Variants in EML6 observed in about 807,000 individuals in gnomAD.
EML6 encodes the protein echinoderm microtubule-associated protein-like 6.
A neutral mutation model predicts 240.1 loss-of-function variants in EML6; 154 were observed. The observed-to-expected ratio is 0.64, with a 90% CI of 0.56 to 0.73. The LOEUF (loss-of-function observed/expected upper bound fraction) is 0.73. Among genes scored for constraint, EML6 ranks in the 30% least tolerant of loss-of-function variants. The pLI is 0.00. For missense variants in EML6, 2,964 were observed against 2,474.6 expected (o/e 1.20, Z -4.20); for synonymous variants, 1,148 against 899.0 (o/e 1.28, Z -4.95).
chr2:54,964,306 C>T (rs898231386), intron 37 of EML6, 148 bp downstream of exon 37: 3 of 806,288 alleles, frequency 3.7e-6, no homozygotes, highest in Non-Finnish European at 5.8e-6. Context: ...CCTTCTCCCA[C>T]TCTCACTCTT....
At chr2:54,962,081 TTG>T (rs1676544419) in intron 35 of EML6, among the ~76,000 whole-genome samples, 1 of 135,250 alleles carries the variant, frequency 7.4e-6, no homozygotes, top group African/African-American at 3.2e-5. Context: ...CTCAAGTTAC[TTG>T]TTTTTTTTTT....
chr2:54,753,279 G>C (rs1454194940), intron 2 of EML6, among the ~76,000 whole-genome samples: 1 of 152,154 alleles, frequency 6.6e-6, no homozygotes, highest in Admixed American at 6.5e-5. Flanking sequence ...TTGAGCACTA[G>C]TGTAGTCACA....
chr2:54,859,169 T>G (rs1004202825), intron 11 of EML6, among the ~76,000 whole-genome samples: 2 of 152,234 alleles, frequency 1.3e-5, no homozygotes, highest in African/African-American at 4.8e-5. Flanking sequence ...ATAGAATTAT[T>G]TTCTGTTTCC....
At chr2:54,895,567 A>G (rs1672719863) in intron 21 of EML6, among the ~76,000 whole-genome samples, 167 bp downstream of exon 21, 1 of 152,264 alleles carries the variant, frequency 6.6e-6, no homozygotes, top group African/African-American at 2.4e-5. Context: ...CAAGCTTAGC[A>G]GCTTAAAACA....
rs1235248072 is a variant in EML6 at position 54,725,571 on chromosome 2, T to A, written c.197+313T>A. On this transcript the variant is annotated intron_variant, in intron 2 of 41. Transcript: ENST00000356458. The surrounding 1 kb of genome is among the most constrained non-coding windows in gnomAD (Gnocchi z 4.3). Reference sequence around the variant, plus strand: ...CAAGTGGAAGGAGCCTGGGTAACTATGAAACACTTCTTCCTTCCCTAACCA... The same window carrying A: ...CAAGTGGAAGGAGCCTGGGTAACTAAGAAACACTTCTTCCTTCCCTAACCA... 2.6e-5 allele frequency among the ~76,000 whole-genome samples: 4 copies of A among 152,204 alleles called. No homozygotes were observed. The highest frequency in any genetic ancestry group is 5.9e-5 in the Non-Finnish European group (4 of 68,036).
chr2:54,842,315 A>T (rs565258165), intron 7 of EML6, among the ~76,000 whole-genome samples: 74 of 152,312 alleles, frequency 4.9e-4, no homozygotes, highest in Non-Finnish European at 2.1e-4. Flanking sequence ...AAATACTTTG[A>T]TAGAACTATT....
intron 2 of EML6, among the ~76,000 whole-genome samples, chr2:54,789,329 C>G (rs947938003): frequency 1.3e-5 from 2 of 151,326 alleles, no homozygotes; most frequent in Non-Finnish European, 2.9e-5. Flanking sequence ...CTGGCTAACA[C>G]GGTGAAACCC....
At chr2:54,920,423 A>G (rs754221727) in intron 26 of EML6, among the ~76,000 whole-genome samples, 4 of 152,194 alleles carry the variant, frequency 2.6e-5, no homozygotes, top group South Asian at 2.1e-4. Flanking sequence ...GAAATGAAAC[A>G]TATCTGGAAA....
chr2:54,904,009 A>C (rs1673191379), intron 24 of EML6, among the ~76,000 whole-genome samples: 1 of 152,212 alleles, frequency 6.6e-6, no homozygotes, highest in Non-Finnish European at 1.5e-5. Flanking sequence ...CCTCCAAGTC[A>C]TGCCCACAAA....
rs371778997 is a variant in EML6 at position 54,934,625 on chromosome 2, C to G, written c.4004+5874C>G. On this transcript the variant is annotated intron_variant, in intron 28 of 41. Transcript: ENST00000356458. ...AGTATGGTGGCATGATCCTGGCTCA[C>G]TGCAGCCTCAGCCTCCTGGGCTCAA... 2.7e-4 allele frequency among the ~76,000 whole-genome samples: 41 copies of G among 152,202 alleles called. No homozygotes were observed. The East Asian group carries it at 7.3e-3, about 27-fold the overall frequency.
At position 54,852,663 on chromosome 2, in the gene EML6, G is replaced by T. The variant is rs185095550; in HGVS notation, c.1445-980G>T. Among the ~76,000 whole-genome samples the T allele has an allele frequency of 9.9e-5, 15 of 152,248 alleles. No homozygotes were observed. The East Asian group carries it at 2.5e-3, about 25-fold the overall frequency. Reference sequence around the variant, plus strand: ...CAACTACAGACGTTTTTATTTTGTTGTCTCTTTAATGAAGTTTTACGTAAT... The same window carrying T: ...CAACTACAGACGTTTTTATTTTGTTTTCTCTTTAATGAAGTTTTACGTAAT... On this transcript the variant is annotated intron_variant, in intron 10 of 41. Coordinates refer to ENST00000356458, the MANE Select transcript of EML6 (RefSeq NM_001039753.4).
intron 10 of EML6, among the ~76,000 whole-genome samples, chr2:54,851,805 C>G (rs1573003015): frequency 6.6e-6 from 1 of 152,138 alleles, no homozygotes; most frequent in African/African-American, 2.4e-5. Flanking sequence ...CTGTCAGTGC[C>G]TTGCACACAC....
intron 15 of EML6, among the ~76,000 whole-genome samples, chr2:54,870,473 C>A (rs533272623): frequency 7.9e-5 from 12 of 152,054 alleles, no homozygotes; most frequent in Admixed American, 7.9e-4. Flanking sequence ...TACAGTCCTC[C>A]AAAGGGTAAG....
chr2:54,931,758 A>G (rs181121628), intron 28 of EML6, among the ~76,000 whole-genome samples: 1 of 152,286 alleles, frequency 6.6e-6, no homozygotes, highest in East Asian at 1.9e-4. Context: ...GCTTGGGACA[A>G]CCACTCCACG....
rs1676776887 is a variant in EML6, at chr2:54,966,986, C to T, written c.5494-14C>T. 1.3e-6 allele frequency: 2 copies of T among 1,522,002 alleles called. No individual in the cohort carries two copies. The highest frequency in any genetic ancestry group is 1.8e-6 in the Non-Finnish European group (2 of 1,121,114). 94.3% of individuals were successfully genotyped at this position (1,522,002 alleles called of 1,614,324 possible). A position where few individuals can be genotyped will look rare whatever the true frequency, so the allele number is the denominator to read the frequency against. On this transcript the variant is annotated splice_polypyrimidine_tract_variant and intron_variant, in intron 38 of 41. Coordinates refer to ENST00000356458, the MANE Select transcript of EML6 (RefSeq NM_001039753.4). The stretch of plus-strand genomic sequence containing the variant: ...AAAGAACGTTGATGAACATGGCTTC[C>T]CTTCTACCTACAGGTGTCAACAGGT...
At chr2:54,937,553 TAAAAAAAAAAAAAAA>T (rs34682923) in intron 28 of EML6, among the ~76,000 whole-genome samples, 1 of 68,152 alleles carries the variant, frequency 1.5e-5, no homozygotes, top group Non-Finnish European at 2.6e-5. Flanking sequence ...ACTCTGTCTT[TAAAAAAAAAAAAAAA>T]AAAAAAAAAA....
intron 24 of EML6, among the ~76,000 whole-genome samples, chr2:54,909,714 G>C (rs941208147): frequency 7.1e-4 from 108 of 151,922 alleles, no homozygotes; most frequent in African/African-American, 2.5e-3. Flanking sequence ...TGTGGTGGTG[G>C]GTGCCTGTAA....
chr2:54,945,937 G>T (rs1188614943), intron 28 of EML6, among the ~76,000 whole-genome samples: 1 of 152,176 alleles, frequency 6.6e-6, no homozygotes, highest in East Asian at 1.9e-4. Flanking sequence ...TTTCCACAGG[G>T]GGTACAGGGT....
chr2:54,894,453 T>C (rs1672651990), intron 19 of EML6, among the ~76,000 whole-genome samples: 1 of 152,250 alleles, frequency 6.6e-6, no homozygotes, highest in South Asian at 2.1e-4. Context: ...CTACTCTTAA[T>C]AAATAATGAT....
Sources: allele counts gnomAD v4.1 joint callset (sites outside exome capture counted in the v4.1 genomes callset), GRCh38; gene constraint gnomAD v4.1.1; non-coding constraint Gnocchi (gnomAD v3.1); transcripts MANE v1.5; gene names NCBI Gene and HGNC (gene_info 2026-07-23, HGNC 2026-07-21).